Variants in ARHGEF37 observed in about 807,000 individuals in gnomAD.
The protein encoded by ARHGEF37 is Rho guanine nucleotide exchange factor 37.
In ARHGEF37, 55 loss-of-function variants were observed where a neutral mutation model predicts 71.1. That is an observed-to-expected ratio of 0.77 (90% CI 0.62 to 0.97). The LOEUF is 0.97. Among genes scored for constraint, ARHGEF37 ranks in the 50% least tolerant of loss-of-function variants. The pLI is 0.00. For missense variants in ARHGEF37, 765 were observed against 836.8 expected (o/e 0.91, Z 1.06); for synonymous variants, 327 against 350.6 (o/e 0.93, Z 0.75).
chr5:149,565,057 C>A (rs888545395), intron 1 of ARHGEF37, among the ~76,000 whole-genome samples: 7 of 152,180 alleles, frequency 4.6e-5, no homozygotes, highest in Non-Finnish European at 7.3e-5. Flanking sequence ...GAGCTACAGT[C>A]AAGGAGGCCA....
At chr5:149,618,413 G>A in intron 6 of ARHGEF37, 107 bp downstream of exon 6, 1 of 1,495,948 alleles carries the variant, frequency 6.7e-7, no homozygotes, top group Non-Finnish European at 9.0e-7. Context: ...TGAGGCAATG[G>A]AGGCTGAGAG....
At chr5:149,559,055 G>T (rs2113230586) in intron 1 of ARHGEF37, among the ~76,000 whole-genome samples, 1 of 152,200 alleles carries the variant, frequency 6.6e-6, no homozygotes, top group East Asian at 1.9e-4. Context: ...AGGCACAGTG[G>T]CTCACGCCTG....
At chr5:149,610,553 C>G (rs1580919609) in intron 4 of ARHGEF37, among the ~76,000 whole-genome samples, 1 of 152,140 alleles carries the variant, frequency 6.6e-6, no homozygotes. Flanking sequence ...GGACAACAGG[C>G]GTGAGCCACC....
intron 3 of ARHGEF37, 42 bp downstream of exon 3, chr5:149,601,273 T>C (rs1246365942): frequency 2.5e-6 from 4 of 1,595,542 alleles, no homozygotes; most frequent in African/African-American, 1.3e-5. Flanking sequence ...TAGATTCTCA[T>C]GGAACTGTTC....
chr5:149,626,950 G>A lies in ARHGEF37; in HGVS notation c.1465-126G>A, dbSNP rs1752704734. 8.3e-6 allele frequency: 8 copies of A among 964,046 alleles called. No individual in the cohort carries two copies. In the South Asian group the frequency reaches 1.4e-4, roughly 17 times the overall value. 59.7% of individuals were successfully genotyped at this position (964,046 alleles called of 1,614,324 possible). A position where few individuals can be genotyped will look rare whatever the true frequency, so the allele number is the denominator to read the frequency against. On this transcript the variant is annotated intron_variant, in intron 10 of 12. Transcript: ENST00000333677. ...GGCCCTGTTGCCCTGATCAGGGTGG[G>A]CCCTTCAGTGGCAGAGTTAGGATCA...
chr5:149,620,494 T>C, intron 8 of ARHGEF37, 30 bp downstream of exon 8: 3 of 1,528,186 alleles, frequency 2.0e-6, no homozygotes, highest in Non-Finnish European at 2.7e-6. Context: ...TCTCCTTTCT[T>C]TGTTAGGCAG....
chr5:149,571,144 G>T (rs1397949455), intron 1 of ARHGEF37, among the ~76,000 whole-genome samples: 1 of 152,016 alleles, frequency 6.6e-6, no homozygotes, highest in African/African-American at 2.4e-5. Context: ...GTTTCACCAT[G>T]TTGGTCAGGC....
chr5:149,632,297 A>C lies in ARHGEF37; in HGVS notation c.*106A>C. ...AAAGGTGGAGGTGGAAGGGAAGACC[A>C]GGCCAGGGTGGGTGAAGCACACTCA... is the stretch of plus-strand genomic sequence containing the variant. On this transcript the variant is annotated 3_prime_UTR_variant, in exon 13 of 13. Transcript: ENST00000333677. The C allele has an allele frequency of 7.6e-7, 1 of 1,317,502 alleles. No individual in the cohort carries two copies. The highest frequency in any genetic ancestry group is 1.0e-6 in the Non-Finnish European group (1 of 962,052). The allele number at this position is 1,317,502 out of a possible 1,614,324, so 81.6% of individuals were successfully genotyped here. A position where few individuals can be genotyped will look rare whatever the true frequency, so the allele number is the denominator to read the frequency against.
chr5:149,614,003 A>G (rs1039652279), intron 4 of ARHGEF37, among the ~76,000 whole-genome samples: 2 of 151,666 alleles, frequency 1.3e-5, no homozygotes, highest in Admixed American at 6.6e-5. Context: ...GACTCAAGAA[A>G]TCTGCCCACC....
At chr5:149,576,567 T>C (rs1161861157), upstream of ARHGEF37, among the ~76,000 whole-genome samples, 2 of 152,226 alleles carry the variant, frequency 1.3e-5, no homozygotes, top group Non-Finnish European at 2.9e-5. Flanking sequence ...TGATAAACGT[T>C]TAGCCACCAT....
At chr5:149,627,414 C>T (rs1561811217) in intron 11 of ARHGEF37, 143 bp downstream of exon 11, 2 of 885,348 alleles carry the variant, frequency 2.3e-6, no homozygotes, top group East Asian at 5.2e-5. Context: ...ACACACAGGG[C>T]TCAGGGCACA....
chr5:149,601,872 G>A (rs558408435), intron 3 of ARHGEF37, among the ~76,000 whole-genome samples: 2 of 152,156 alleles, frequency 1.3e-5, no homozygotes, highest in Admixed American at 6.5e-5. Flanking sequence ...AGGTTGATGT[G>A]GCTCCAGGGA....
chr5:149,581,660 G>A (rs186428358), intron 1 of ARHGEF37, 36 bp downstream of exon 1: 4 of 152,326 alleles, frequency 2.6e-5, no homozygotes, highest in Admixed American at 2.6e-4. Context: ...TGGTCAAGCA[G>A]GATGGGGCTG....
upstream of ARHGEF37, among the ~76,000 whole-genome samples, chr5:149,580,657 C>T (rs1214223914): frequency 6.6e-6 from 1 of 152,038 alleles, no homozygotes; most frequent in Non-Finnish European, 1.5e-5. Context: ...ATAATTGAGA[C>T]AGTACAAGTA....
intron 3 of ARHGEF37, among the ~76,000 whole-genome samples, chr5:149,602,182 G>A (rs1960011): frequency 0.29 from 43,972 of 151,110 alleles, 6,988 homozygotes; most frequent in Admixed American, 0.45. Flanking sequence ...TCAGCCTCCC[G>A]AGTAGCTGAG....
intron 12 of ARHGEF37, among the ~76,000 whole-genome samples, chr5:149,631,092 A>G (rs1466377549): frequency 1.3e-5 from 2 of 151,690 alleles, no homozygotes; most frequent in Non-Finnish European, 2.9e-5. Flanking sequence ...CTCCTTGCCA[A>G]TTGTTTTCTC....
chr5:149,621,628 G>A, intron 8 of ARHGEF37, 105 bp from the exon 9 acceptor site: 5 of 1,062,612 alleles, frequency 4.7e-6, no homozygotes, highest in Non-Finnish European at 6.9e-6. Flanking sequence ...CTAGTCAGTG[G>A]GAGTTAGACT....
In ARHGEF37 at chr5:149,592,962, G is replaced by T. The variant is rs376340795; in HGVS notation, c.-11-4797G>T. Among the ~76,000 whole-genome samples the T allele has an allele frequency of 1.0e-3, 155 of 152,234 alleles. 2 individuals carry two copies. The highest frequency in any genetic ancestry group is 3.6e-3 in the African/African-American group (150 of 41,550). ...TTTTTATATTTTTAGTAGAGACGGG[G>T]TTTTGCCATGTTGGTCAGGCTGGTC... is the stretch of plus-strand genomic sequence containing the variant. On this transcript the variant is annotated intron_variant, in intron 1 of 12. Transcript: ENST00000333677.
chr5:149,596,700 G>A (rs1763557843), intron 1 of ARHGEF37, among the ~76,000 whole-genome samples: 1 of 152,194 alleles, frequency 6.6e-6, no homozygotes, highest in Non-Finnish European at 1.5e-5. Flanking sequence ...AGGATCAAGA[G>A]TAGCCTTAGA....
Sources: allele counts gnomAD v4.1 joint callset (sites outside exome capture counted in the v4.1 genomes callset), GRCh38; gene constraint gnomAD v4.1.1; transcripts MANE v1.5; gene names NCBI Gene and HGNC (gene_info 2026-07-23, HGNC 2026-07-21).